PAWR: variants seen among roughly 807,000 people sequenced by gnomAD.
PAWR encodes the protein pro-apoptotic WT1 regulator.
Under a neutral mutation model 32.0 loss-of-function variants are expected in PAWR, and 23 were observed. The ratio of observed to expected loss-of-function variants is 0.72; its 90% CI spans 0.52 to 1.02. The LOEUF (loss-of-function observed/expected upper bound fraction) is 1.02, where lower values mean the gene tolerates loss of function less well. Ranked by LOEUF, PAWR falls within the 50% of genes least tolerant of loss-of-function variation. The pLI, the probability that PAWR is intolerant of heterozygous loss-of-function variation, is 0.00. For missense variants in PAWR, 457 were observed against 437.7 expected, an observed-to-expected ratio of 1.04 and a Z score of -0.39; for synonymous variants, 226 against 187.1, an observed-to-expected ratio of 1.21 and a Z score of -1.70.
chr12:79,621,163 C>T lies in PAWR; in HGVS notation c.561G>A (p.Arg187=). 6.2e-7 allele frequency: 1 copy of T among 1,611,582 alleles called. No homozygotes were observed. The highest frequency in any genetic ancestry group is 8.5e-7 in the Non-Finnish European group (1 of 1,179,010). ...GTTGTGTAATTGCATCTTCTCGTTT[C>T]CGCTCTTTCTGCCCTGCTTCATCAT... ...YEDDEAGQKE[R]KREDAITQQN... is the part of the protein sequence containing the mutation. Residue 187 remains arginine, a synonymous_variant, in exon 3 of 7, where the codon CGG becomes CGA. Coordinates refer to ENST00000328827, the MANE Select transcript of PAWR (RefSeq NM_002583.4).
At chr12:79,644,418 C>T (rs977317420) in intron 2 of PAWR, among the ~76,000 whole-genome samples, 1 of 152,110 alleles carries the variant, frequency 6.6e-6, no homozygotes, top group Admixed American at 6.5e-5. Flanking sequence ...CATTTACATA[C>T]CTCTCTTCAG....
chr12:79,602,720 G>A (rs1157743599), intron 4 of PAWR, among the ~76,000 whole-genome samples: 1 of 151,370 alleles, frequency 6.6e-6, no homozygotes, highest in East Asian at 1.9e-4. Context: ...TTTAATAGCT[G>A]TTGATTATAC....
intron 3 of PAWR, among the ~76,000 whole-genome samples, chr12:79,613,908 AG>A: frequency 8.2e-6 from 1 of 121,652 alleles, no homozygotes; most frequent in Non-Finnish European, 1.7e-5. Flanking sequence ...TTGAAAGTCA[AG>A]GGGCATTAAA....
intron 2 of PAWR, among the ~76,000 whole-genome samples, chr12:79,654,788 A>T (rs1877017917): frequency 6.6e-6 from 1 of 152,146 alleles, no homozygotes; most frequent in African/African-American, 2.4e-5. Context: ...GTGAGAATTC[A>T]CTATCACGAG....
intron 3 of PAWR, among the ~76,000 whole-genome samples, chr12:79,619,558 A>G (rs1007876574): frequency 3.3e-5 from 5 of 152,188 alleles, no homozygotes; most frequent in Admixed American, 6.5e-5. Flanking sequence ...AGTACTATCT[A>G]TGATTTCAGG....
chr12:79,591,091 C>A lies in PAWR; in HGVS notation c.*1516G>T, dbSNP rs1565994092. ...CTTTAAAAATTGTGGAATCCAGAGT[C>A]TCAACCTAAACCTACATAGGAGCTA... On this transcript the variant is annotated 3_prime_UTR_variant, in exon 7 of 7. Transcript: ENST00000328827. 6.6e-6 allele frequency: 1 copy of A among 152,160 alleles called. No homozygotes were observed. Among genetic ancestry groups the A allele is most frequent in the Non-Finnish European group, 1.5e-5 (1 of 68,032 alleles). The allele number at this position is 152,160 out of a possible 1,614,324, so 9.4% of individuals were successfully genotyped here.
At chr12:79,646,458 C>A (rs1876579956) in intron 2 of PAWR, among the ~76,000 whole-genome samples, 1 of 152,142 alleles carries the variant, frequency 6.6e-6, no homozygotes, top group Non-Finnish European at 1.5e-5. Context: ...ATACAAAATA[C>A]TGGCATTTCC....
At chr12:79,648,160 T>C (rs1876668637) in intron 2 of PAWR, among the ~76,000 whole-genome samples, 1 of 152,172 alleles carries the variant, frequency 6.6e-6, no homozygotes, top group Non-Finnish European at 1.5e-5. Flanking sequence ...TGTTCTAACA[T>C]TCCTAACCTC....
At chr12:79,629,728 C>G (rs772458988) in intron 2 of PAWR, among the ~76,000 whole-genome samples, 1 of 151,974 alleles carries the variant, frequency 6.6e-6, no homozygotes, top group Non-Finnish European at 1.5e-5. Flanking sequence ...TAAGACAGAA[C>G]ATATTGTGGA....
rs1031808041 is a variant in PAWR, at chr12:79,689,633, G to A, written c.516+96C>T. On this transcript the variant is annotated intron_variant, in intron 2 of 6. Coordinates refer to ENST00000328827, the MANE Select transcript of PAWR (RefSeq NM_002583.4). ...GAAGGGACAAGTACGAGCCAGGGGA[G>A]GTAAACTCTGCGCCCCGGGTAGCTC... 2.2e-5 allele frequency: 30 copies of A among 1,376,356 alleles called. No individual in the cohort carries two copies. The South Asian group carries it at 3.0e-4, about 14-fold the overall frequency. 85.3% of individuals were successfully genotyped at this position (1,376,356 alleles called of 1,614,324 possible).
At chr12:79,625,444 T>C (rs535865476) in intron 2 of PAWR, among the ~76,000 whole-genome samples, 3 of 152,230 alleles carry the variant, frequency 2.0e-5, no homozygotes, top group East Asian at 3.9e-4. Context: ...AAAGAAATCA[T>C]ATACACATTA....
chr12:79,669,980 T>C (rs1415047302), intron 2 of PAWR, among the ~76,000 whole-genome samples: 1 of 152,190 alleles, frequency 6.6e-6, no homozygotes, highest in African/African-American at 2.4e-5. Context: ...GAATTACAGA[T>C]GTGAGCCACC....
chr12:79,597,102 A>G (rs1350876847), intron 4 of PAWR: 1 of 145,710 alleles, frequency 6.9e-6, no homozygotes, highest in Non-Finnish European at 1.5e-5. Flanking sequence ...CTTGTCACCC[A>G]GACTGGAGTG....
chr12:79,663,538 G>A (rs548274851), intron 2 of PAWR, among the ~76,000 whole-genome samples: 12 of 152,198 alleles, frequency 7.9e-5, no homozygotes, highest in South Asian at 2.1e-4. Context: ...CAGGAGGATC[G>A]CTTGAGCCCA....
At chr12:79,670,311 G>A (rs1425686438) in intron 2 of PAWR, among the ~76,000 whole-genome samples, 2 of 152,114 alleles carry the variant, frequency 1.3e-5, no homozygotes, top group South Asian at 2.1e-4. Flanking sequence ...TGGTTGAATT[G>A]TATCCTCAAA....
chr12:79,606,749 G>C (rs1874201567), intron 4 of PAWR, among the ~76,000 whole-genome samples: 2 of 152,212 alleles, frequency 1.3e-5, no homozygotes, highest in South Asian at 4.1e-4. Context: ...ACTACCATGA[G>C]GTAATGCAAC....
intron 2 of PAWR, among the ~76,000 whole-genome samples, chr12:79,665,327 A>G (rs1877552112): frequency 6.6e-6 from 1 of 152,224 alleles, no homozygotes; most frequent in South Asian, 2.1e-4. Context: ...CTAACTAGAA[A>G]AGATTTATTT....
At chr12:79,626,940 T>C (rs1875358881) in intron 2 of PAWR, among the ~76,000 whole-genome samples, 2 of 152,214 alleles carry the variant, frequency 1.3e-5, no homozygotes, top group Non-Finnish European at 2.9e-5. Context: ...TACGGCTGCA[T>C]AGTATTCCAT....
intron 2 of PAWR, among the ~76,000 whole-genome samples, chr12:79,624,616 T>G (rs960313662): frequency 6.6e-6 from 1 of 152,172 alleles, no homozygotes; most frequent in Non-Finnish European, 1.5e-5. Flanking sequence ...TAGCAACCAG[T>G]GCAGTTCTTT....
Sources: allele counts gnomAD v4.1 joint callset (sites outside exome capture counted in the v4.1 genomes callset), GRCh38; gene constraint gnomAD v4.1.1; transcripts MANE v1.5; gene names NCBI Gene and HGNC (gene_info 2026-07-23, HGNC 2026-07-21).